The following CMKLR1 variants were observed in gnomAD, a reference collection of about 807,000 sequenced individuals.
CMKLR1 encodes chemerin-like receptor 1.
CMKLR1 carries 6 observed loss-of-function variants against 8.2 expected under a neutral mutation model. The ratio of observed to expected loss-of-function variants is 0.73; its 90% CI spans 0.40 to 1.44. The LOEUF (loss-of-function observed/expected upper bound fraction) is 1.44, where lower values mean the gene tolerates loss of function less well. Ranked by LOEUF, CMKLR1 falls within the 40% of genes most tolerant of loss-of-function variation. The probability of loss-of-function intolerance (pLI) is 0.02; values close to 1 mark genes in which losing one functional copy is unlikely to be tolerated. For missense variants in CMKLR1, 429 were observed against 478.0 expected, an observed-to-expected ratio of 0.90 and a Z score of 0.96; for synonymous variants, 178 against 181.2, an observed-to-expected ratio of 0.98 and a Z score of 0.14.
chr12:108,293,757 G>A (rs902282721), intron 2 of CMKLR1, 93 bp from the exon 3 acceptor site: 2 of 687,220 alleles, frequency 2.9e-6, no homozygotes, highest in Non-Finnish European at 4.9e-6. Flanking sequence ...AAGATCTGTT[G>A]TTCTTATTCC....
chr12:108,311,541 G>A (rs185762318), intron 2 of CMKLR1, among the ~76,000 whole-genome samples: 182 of 152,306 alleles, frequency 1.2e-3, no homozygotes, highest in Middle Eastern at 3.4e-3. Context: ...TGGGAGGCTC[G>A]CTTGAGCCCA....
intron 2 of CMKLR1, among the ~76,000 whole-genome samples, chr12:108,300,033 C>T (rs534055921): frequency 6.6e-6 from 1 of 152,314 alleles, no homozygotes; most frequent in Non-Finnish European, 1.5e-5. Context: ...TATCTGAGGA[C>T]AAGAATTGGG....
rs567074938 is a variant in CMKLR1 at position 108,322,304 on chromosome 12, A to T, written c.-74+7691T>A. On this transcript the variant is annotated intron_variant, in intron 2 of 3. Transcript: ENST00000550402. ...AGGGAAGCTCAGGGCTTCGTCCCCTAGTCATGCCACCCCTTTGGGATTTTA... is the reference window on the plus strand; with the variant it reads ...AGGGAAGCTCAGGGCTTCGTCCCCTTGTCATGCCACCCCTTTGGGATTTTA... Among the ~76,000 whole-genome samples the T allele has an allele frequency of 1.3e-3, 198 of 152,290 alleles. 4 individuals are homozygous for T. Among genetic ancestry groups the T allele is most frequent in the African/African-American group, 4.3e-3 (177 of 41,558 alleles).
chr12:108,310,608 AC>A (rs1255923031), intron 2 of CMKLR1, among the ~76,000 whole-genome samples: 8 of 152,132 alleles, frequency 5.3e-5, no homozygotes, highest in Admixed American at 3.3e-4. Context: ...CATGGCAACC[AC>A]CAATGCTCCA....
intron 2 of CMKLR1, among the ~76,000 whole-genome samples, chr12:108,308,434 C>T (rs1351543001): frequency 6.6e-6 from 1 of 152,208 alleles, no homozygotes; most frequent in Non-Finnish European, 1.5e-5. Flanking sequence ...CCCCTGAGCA[C>T]ATCTGGTCCA....
chr12:108,328,607 G>A (rs1188546635), intron 2 of CMKLR1, among the ~76,000 whole-genome samples: 1 of 152,202 alleles, frequency 6.6e-6, no homozygotes, highest in Non-Finnish European at 1.5e-5. Context: ...TGACTCAAGG[G>A]AAGCCCTTTT....
intron 1 of CMKLR1, among the ~76,000 whole-genome samples, chr12:108,334,015 A>G (rs987613592): frequency 1.9e-4 from 29 of 152,236 alleles, no homozygotes; most frequent in African/African-American, 6.0e-4. Context: ...CCTCCTCAGC[A>G]GGGGCTATGG....
At chr12:108,301,406 G>A (rs1253413821) in intron 2 of CMKLR1, among the ~76,000 whole-genome samples, 1 of 151,968 alleles carries the variant, frequency 6.6e-6, no homozygotes, top group East Asian at 1.9e-4. Context: ...TCAGTACCTG[G>A]TTCTGATTCT....
At chr12:108,312,787 C>A (rs1262946542) in intron 2 of CMKLR1, among the ~76,000 whole-genome samples, 5 of 152,084 alleles carry the variant, frequency 3.3e-5, no homozygotes, top group African/African-American at 1.2e-4. Flanking sequence ...ATCAGTTGTC[C>A]CCACCTGTGC....
chr12:108,309,693 C>A (rs925131715), intron 2 of CMKLR1, among the ~76,000 whole-genome samples: 1 of 152,214 alleles, frequency 6.6e-6, no homozygotes, highest in East Asian at 1.9e-4. Flanking sequence ...CACCTAAATT[C>A]CAGGCTTCCA....
Position 108,317,468 on chromosome 12 carries a change from G to A in CMKLR1, c.-74+12527C>T, listed in dbSNP as rs146433979. 2.8e-4 allele frequency among the ~76,000 whole-genome samples: 43 copies of A among 152,308 alleles called. 4 individuals carry two copies. The highest frequency in any genetic ancestry group is 9.6e-4 in the African/African-American group (40 of 41,560). On this transcript the variant is annotated intron_variant, in intron 2 of 3. Coordinates refer to ENST00000550402, the MANE Select transcript of CMKLR1 (RefSeq NM_001142343.2). ...GAGGATGATGTGGACACTGGAGGGA[G>A]GGGTGGGCTCTGTGTAAACCCCACA...
In CMKLR1 at chr12:108,288,688, C is replaced by T. The variant is rs79904291; in HGVS notation, c.*3153G>A. On this transcript the variant is annotated 3_prime_UTR_variant, in exon 4 of 4. Transcript: ENST00000550402. Reference sequence around the variant, plus strand: ...TTCGTGTTCTTGCTCTTCCCTTCTCCCTGTCCTTGCTGGCTCAAGGGTCAG... The same window carrying T: ...TTCGTGTTCTTGCTCTTCCCTTCTCTCTGTCCTTGCTGGCTCAAGGGTCAG... The T allele has an allele frequency of 5.2e-3, 787 of 152,466 alleles. 5 individuals are homozygous for T. The highest frequency in any genetic ancestry group is 8.4e-3 in the Non-Finnish European group (571 of 68,162). 9.4% of individuals were successfully genotyped at this position (152,466 alleles called of 1,614,324 possible).
chr12:108,314,595 G>C (rs1480155111), intron 2 of CMKLR1, among the ~76,000 whole-genome samples: 1 of 152,206 alleles, frequency 6.6e-6, no homozygotes, highest in Non-Finnish European at 1.5e-5. Flanking sequence ...TGTATGCACT[G>C]CTGGTGTAAT....
intron 2 of CMKLR1, among the ~76,000 whole-genome samples, chr12:108,309,309 C>A (rs1301180279): frequency 6.6e-6 from 1 of 152,222 alleles, no homozygotes; most frequent in Admixed American, 6.5e-5. Context: ...CTCTCCCTAA[C>A]ATAGAATTCC....
At chr12:108,300,466 G>GATGAATGA (rs5800818) in intron 2 of CMKLR1, among the ~76,000 whole-genome samples, 499 of 151,476 alleles carry the variant, frequency 3.3e-3, no homozygotes, top group African/African-American at 0.01. Context: ...AATATTGTTT[G>GATGAATGA]ATGAATGAAT....
intron 2 of CMKLR1, among the ~76,000 whole-genome samples, chr12:108,309,022 C>G (rs991341601): frequency 1.3e-5 from 2 of 152,172 alleles, no homozygotes; most frequent in African/African-American, 2.4e-5. Context: ...TGAATCCCAG[C>G]TCTGCTGTGT....
At chr12:108,324,240 C>A (rs1230127407) in intron 2 of CMKLR1, among the ~76,000 whole-genome samples, 2 of 152,140 alleles carry the variant, frequency 1.3e-5, no homozygotes, top group Admixed American at 6.5e-5. Context: ...CCTGGCTGCC[C>A]AGACACAGAT....
intron 2 of CMKLR1, among the ~76,000 whole-genome samples, chr12:108,315,187 T>C (rs1891690725): frequency 6.6e-6 from 1 of 152,176 alleles, no homozygotes; most frequent in East Asian, 1.9e-4. Flanking sequence ...CCTCCCAAAG[T>C]GCTGGGATTA....
At chr12:108,311,436 G>A (rs1458182441) in intron 2 of CMKLR1, among the ~76,000 whole-genome samples, 1 of 152,206 alleles carries the variant, frequency 6.6e-6, no homozygotes. Context: ...GCATCATAGA[G>A]AGACCCTGCC....
Sources: allele counts gnomAD v4.1 joint callset (sites outside exome capture counted in the v4.1 genomes callset), GRCh38; gene constraint gnomAD v4.1.1; transcripts MANE v1.5; gene names NCBI Gene and HGNC (gene_info 2026-07-23, HGNC 2026-07-21).